Variants in ANO1 observed in about 807,000 individuals in gnomAD.
ANO1 encodes the protein anoctamin-1.
A neutral mutation model predicts 124.0 loss-of-function variants in ANO1; 59 were observed. The ratio of observed to expected loss-of-function variants is 0.48; its 90% CI spans 0.39 to 0.59. The LOEUF (loss-of-function observed/expected upper bound fraction) is 0.59, where lower values mean the gene tolerates loss of function less well. Ranked by LOEUF, ANO1 falls within the 20% of genes least tolerant of loss-of-function variation. The pLI is 0.00. For synonymous variants in ANO1, 529 were observed against 532.0 expected, an observed-to-expected ratio of 0.99 and a Z score of 0.08; for missense variants, 1,059 against 1,328.0, an observed-to-expected ratio of 0.80 and a Z score of 3.15.
chr11:70,124,243 G>A (rs2046399397), intron 8 of ANO1, 107 bp from the exon 9 acceptor site: 1 of 1,018,294 alleles, frequency 9.8e-7, no homozygotes, highest in South Asian at 1.4e-5. Context: ...AGTGTTTATG[G>A]GATGAATGAA....
chr11:70,023,903 A>G (rs966241626), intron 1 of ANO1, among the ~76,000 whole-genome samples: 1 of 152,228 alleles, frequency 6.6e-6, no homozygotes, highest in African/African-American at 2.4e-5. Flanking sequence ...CAAGTTTACC[A>G]AAGTCTTGTC....
intron 1 of ANO1, among the ~76,000 whole-genome samples, chr11:70,033,256 G>A (rs1356908944): frequency 6.6e-6 from 1 of 152,092 alleles, no homozygotes; most frequent in Non-Finnish European, 1.5e-5. Flanking sequence ...GGGAAATGAA[G>A]TCATTTTCCC....
At chr11:70,165,304 CT>C in intron 19 of ANO1, 165 bp from the exon 20 acceptor site, 2 of 632,774 alleles carry the variant, frequency 3.2e-6, no homozygotes. Context: ...TGCAAAGACC[CT>C]TTTTGCAAAT....
Position 70,167,292 on chromosome 11 carries a change from CT to C in ANO1, c.2103del (p.Asp702ThrfsTer6), listed in dbSNP as rs1166482159. ...CTGAAGCTGAAGCAGCAGAGCCCCC[CT>C]GACCACGAGGAGTGTGTGAAGAGGA... Reference protein sequence around the residue: ...RYLKLKQQSPPDHEECVKRKQ... With the variant: ...RYLKLKQQSPXDHEECVKRKQ... On this transcript the variant is annotated frameshift_variant, in exon 21 of 26. Transcript: ENST00000355303. LOFTEE classifies it high-confidence loss of function. 2.5e-6 allele frequency: 4 copies of C among 1,613,908 alleles called. No homozygotes were observed. The highest frequency in any genetic ancestry group is 1.7e-6 in the Non-Finnish European group (2 of 1,179,902).
chr11:70,012,012 A>G (rs1252097522), intron 1 of ANO1, among the ~76,000 whole-genome samples: 1 of 152,056 alleles, frequency 6.6e-6, no homozygotes, highest in Non-Finnish European at 1.5e-5. Flanking sequence ...CCATCCATCC[A>G]TCCATCCATC....
intron 1 of ANO1, among the ~76,000 whole-genome samples, chr11:70,017,136 C>G (rs371927161): frequency 6.6e-6 from 1 of 152,198 alleles, no homozygotes; most frequent in Admixed American, 6.5e-5. Flanking sequence ...AAATCCCACG[C>G]GGGCCAAGGT....
intron 1 of ANO1, among the ~76,000 whole-genome samples, chr11:70,052,162 C>G (rs1275800357): frequency 6.6e-6 from 1 of 152,224 alleles, no homozygotes; most frequent in African/African-American, 2.4e-5. Context: ...ACTGATTACA[C>G]ACTATTTATT....
intron 1 of ANO1, among the ~76,000 whole-genome samples, chr11:69,989,715 G>A (rs1554997246): frequency 6.6e-6 from 1 of 152,184 alleles, no homozygotes; most frequent in African/African-American, 2.4e-5. Flanking sequence ...TGATGGGCCA[G>A]GGGCAGAAGC....
At chr11:70,095,767 G>A (rs1449125393) in intron 2 of ANO1, among the ~76,000 whole-genome samples, 2 of 152,196 alleles carry the variant, frequency 1.3e-5, no homozygotes, top group African/African-American at 2.4e-5. Flanking sequence ...CCCCGCCGGA[G>A]CCCCTCACCA....
At chr11:70,152,252 T>G (rs2047629943) in intron 12 of ANO1, among the ~76,000 whole-genome samples, 198 bp from the exon 13 acceptor site, 3 of 150,372 alleles carry the variant, frequency 2.0e-5, no homozygotes, top group Non-Finnish European at 4.4e-5. Flanking sequence ...GGAGAATCAC[T>G]TGAACCCGGG....
chr11:70,102,184 A>G (rs1038238014), intron 2 of ANO1, among the ~76,000 whole-genome samples: 38 of 152,370 alleles, frequency 2.5e-4, no homozygotes, highest in Admixed American at 2.0e-3. Flanking sequence ...GAGTCAGGGC[A>G]GTGCTGCCTG....
intron 1 of ANO1, among the ~76,000 whole-genome samples, chr11:70,010,249 T>C (rs555574417): frequency 2.8e-4 from 42 of 149,410 alleles, no homozygotes; most frequent in Admixed American, 6.7e-4. Context: ...GCTGGTTTCA[T>C]ATTTTTGCAA....
intron 1 of ANO1, among the ~76,000 whole-genome samples, chr11:70,057,475 G>A (rs1450996050): frequency 6.6e-6 from 1 of 151,734 alleles, no homozygotes; most frequent in Non-Finnish European, 1.5e-5. Flanking sequence ...GAGCAATAAA[G>A]CTTTTTAATC....
At chr11:70,059,182 ACT>A (rs1591063754) in intron 1 of ANO1, among the ~76,000 whole-genome samples, 2 of 150,510 alleles carry the variant, frequency 1.3e-5, no homozygotes, top group Admixed American at 1.3e-4. Flanking sequence ...ACAGAGCCAG[ACT>A]CTGTTTCAAA....
chr11:70,033,492 G>A (rs566229557), intron 1 of ANO1, among the ~76,000 whole-genome samples: 1 of 152,284 alleles, frequency 6.6e-6, no homozygotes, highest in Admixed American at 6.5e-5. Context: ...CTGATATCGT[G>A]TTGCACTATG....
intron 1 of ANO1, among the ~76,000 whole-genome samples, chr11:70,073,280 C>A (rs1019077472): frequency 6.6e-6 from 1 of 152,178 alleles, no homozygotes; most frequent in African/African-American, 2.4e-5. Context: ...AAGGCTGAAC[C>A]TCCTGCAGAG....
chr11:70,072,832 C>T (rs1267607687), intron 1 of ANO1: 1 of 152,386 alleles, frequency 6.6e-6, no homozygotes, highest in Non-Finnish European at 1.5e-5. Flanking sequence ...GGGGTGCCAA[C>T]CTATGTCCCA....
intron 6 of ANO1, among the ~76,000 whole-genome samples, chr11:70,109,904 C>T (rs2045702369): frequency 1.3e-5 from 2 of 152,098 alleles, no homozygotes; most frequent in Non-Finnish European, 2.9e-5. Flanking sequence ...TCCTCCTCTT[C>T]AGCCCTGCTT....
the ANO1 span, among the ~76,000 whole-genome samples, chr11:69,973,798 G>T: frequency 6.6e-6 from 1 of 151,820 alleles, no homozygotes; most frequent in Non-Finnish European, 1.5e-5. Context: ...CTTGAACCCG[G>T]GAGGTGGAGG....
Sources: gnomAD v4.1 joint callset for allele counts (sites outside exome capture counted in the v4.1 genomes callset) on GRCh38, gnomAD v4.1.1 for gene constraint, MANE v1.5 for transcripts, NCBI Gene and HGNC (gene_info 2026-07-23, HGNC 2026-07-21) for gene names.